Variants in NCKAP5 observed in about 807,000 individuals in gnomAD.
NCKAP5 encodes the protein NCK associated protein 5, also known as nck-associated protein 5.
NCKAP5 carries 92 observed loss-of-function variants against 167.0 expected under a neutral mutation model. The ratio of observed to expected loss-of-function variants is 0.55; its 90% CI spans 0.47 to 0.66. The LOEUF (loss-of-function observed/expected upper bound fraction) is 0.66. NCKAP5 is among the 30% of genes least tolerant of loss of function. The pLI is 0.00. For missense variants in NCKAP5, 2,378 were observed against 2,315.0 expected (o/e 1.03, Z -0.56); for synonymous variants, 891 against 877.4 (o/e 1.02, Z -0.27).
At chr2:133,574,502 T>C in the NCKAP5 span, among the ~76,000 whole-genome samples, 1 of 152,088 alleles carries the variant, frequency 6.6e-6, no homozygotes, top group South Asian at 2.1e-4. Flanking sequence ...TCCTTTCATG[T>C]TGAGAAAGCT....
chr2:133,184,895 T>C (rs1017919512), intron 5 of NCKAP5, among the ~76,000 whole-genome samples: 7 of 152,202 alleles, frequency 4.6e-5, no homozygotes, highest in Non-Finnish European at 1.0e-4. Flanking sequence ...TTTGCAAATA[T>C]CTTCTCCCAA....
intron 8 of NCKAP5, among the ~76,000 whole-genome samples, chr2:132,946,021 G>A (rs72614498): frequency 0.016 from 2,483 of 152,242 alleles, 81 homozygotes; most frequent in East Asian, 0.16. Flanking sequence ...ATTCATATTC[G>A]TGTGATATTT....
chr2:133,145,586 A>G (rs1219731108), intron 5 of NCKAP5, among the ~76,000 whole-genome samples: 1 of 152,122 alleles, frequency 6.6e-6, no homozygotes, highest in East Asian at 1.9e-4. Context: ...CTGGCCTAGG[A>G]GGGGAAGAGT....
intron 12 of NCKAP5, among the ~76,000 whole-genome samples, chr2:132,795,345 T>C (rs1026937906): frequency 1.3e-5 from 2 of 152,186 alleles, no homozygotes; most frequent in Admixed American, 6.5e-5. Flanking sequence ...TTAGCTTCTA[T>C]TGCAACATTA....
intron 7 of NCKAP5, among the ~76,000 whole-genome samples, chr2:132,978,943 T>C (rs1251676731): frequency 1.3e-5 from 2 of 152,142 alleles, no homozygotes; most frequent in East Asian, 3.9e-4. Flanking sequence ...TGCCAGACAC[T>C]GATGGGAGAG....
intron 3 of NCKAP5, among the ~76,000 whole-genome samples, chr2:133,483,543 A>G (rs1338075981): frequency 6.6e-6 from 1 of 151,974 alleles, no homozygotes; most frequent in Admixed American, 6.6e-5. Flanking sequence ...TGGGTTTACA[A>G]AAGAAAAGAT....
chr2:133,573,884 T>A, the NCKAP5 span, among the ~76,000 whole-genome samples: 1 of 152,176 alleles, frequency 6.6e-6, no homozygotes. Flanking sequence ...GCAATACTAC[T>A]TTAAGGATTT....
intron 4 of NCKAP5, among the ~76,000 whole-genome samples, chr2:133,251,311 C>A (rs965014438): frequency 6.6e-6 from 1 of 152,146 alleles, no homozygotes; most frequent in Non-Finnish European, 1.5e-5. Flanking sequence ...ATCCCCTGAG[C>A]ACAGTGAGGG....
intron 3 of NCKAP5, among the ~76,000 whole-genome samples, chr2:133,485,185 CA>C (rs541261235): frequency 3.1e-4 from 47 of 152,130 alleles, no homozygotes; most frequent in African/African-American, 1.1e-3. Context: ...AGAAAATGGA[CA>C]AATAAGAAAC....
intron 3 of NCKAP5, among the ~76,000 whole-genome samples, chr2:133,369,073 GCA>G (rs1222391130): frequency 2.0e-5 from 3 of 150,972 alleles, no homozygotes; most frequent in Non-Finnish European, 4.4e-5. Flanking sequence ...GGTGGAGTAG[GCA>G]CAGTTTACAG....
Position 133,488,582 on chromosome 2 carries a change from G to A in NCKAP5, c.69+28876C>T, listed in dbSNP as rs1457477272. On this transcript the variant is annotated intron_variant, in intron 3 of 19. Coordinates refer to ENST00000409261, the MANE Select transcript of NCKAP5 (RefSeq NM_207363.3). ...CAGAAAAAGGGGCAGGCTGAGTACA[G>A]TGGCACTTTGGGAGGCAAGGCAGGA... 3.9e-5 allele frequency among the ~76,000 whole-genome samples: 6 copies of A among 152,212 alleles called. No homozygotes were observed. The South Asian group carries it at 1.0e-3, about 26-fold the overall frequency.
At chr2:132,815,189 C>T (rs1686168973) in intron 11 of NCKAP5, among the ~76,000 whole-genome samples, 1 of 152,056 alleles carries the variant, frequency 6.6e-6, no homozygotes, top group Non-Finnish European at 1.5e-5. Flanking sequence ...CTGAGCTTTC[C>T]TTTCATATTA....
intron 12 of NCKAP5, among the ~76,000 whole-genome samples, 151 bp from the exon 13 acceptor site, chr2:132,790,356 C>T (rs574677915): frequency 6.6e-6 from 1 of 152,226 alleles, no homozygotes; most frequent in African/African-American, 2.4e-5. Context: ...GGAAAATCAG[C>T]TGAAAATGTA....
intron 5 of NCKAP5, among the ~76,000 whole-genome samples, chr2:133,147,683 C>G (rs1259814084): frequency 2.0e-5 from 3 of 152,086 alleles, no homozygotes; most frequent in African/African-American, 2.4e-5. Flanking sequence ...TCTACATTCC[C>G]AGCTAGTAAG....
At chr2:133,151,580 A>T (rs1190285136) in intron 5 of NCKAP5, among the ~76,000 whole-genome samples, 1 of 152,194 alleles carries the variant, frequency 6.6e-6, no homozygotes, top group African/African-American at 2.4e-5. Context: ...ATACCATGAC[A>T]CACTATTACA....
intron 2 of NCKAP5, among the ~76,000 whole-genome samples, chr2:133,545,367 T>C (rs992601656): frequency 2.0e-5 from 3 of 152,170 alleles, no homozygotes; most frequent in African/African-American, 7.2e-5. Context: ...GCTGACGCGT[T>C]TGGTCCTCTA....
intron 8 of NCKAP5, among the ~76,000 whole-genome samples, chr2:132,946,419 T>A (rs1280527438): frequency 6.6e-6 from 1 of 152,186 alleles, no homozygotes; most frequent in African/African-American, 2.4e-5. Flanking sequence ...CTTTGGAATT[T>A]ATAAACCTAT....
intron 6 of NCKAP5, chr2:133,119,009 G>A (rs1269118366): frequency 6.6e-6 from 1 of 152,122 alleles, no homozygotes; most frequent in African/African-American, 2.4e-5. Flanking sequence ...GTTGTTGTTT[G>A]TTTGTTTTTG....
intron 16 of NCKAP5, among the ~76,000 whole-genome samples, chr2:132,762,734 T>C (rs1415644865): frequency 6.6e-6 from 1 of 152,238 alleles, no homozygotes; most frequent in Non-Finnish European, 1.5e-5. Context: ...CTCAGTTCCA[T>C]GGCAAGAAAA....
Sources: gnomAD v4.1 joint callset for allele counts (sites outside exome capture counted in the v4.1 genomes callset) on GRCh38, gnomAD v4.1.1 for gene constraint, MANE v1.5 for transcripts, NCBI Gene and HGNC (gene_info 2026-07-23, HGNC 2026-07-21) for gene names.